Variants in PPFIA4 observed in about 807,000 individuals in gnomAD.
The protein encoded by PPFIA4 is PPFI scaffold protein A4, also known as liprin-alpha-4.
PPFIA4 carries 98 observed loss-of-function variants against 145.7 expected under a neutral mutation model. That is an observed-to-expected ratio of 0.67 (90% CI 0.57 to 0.80). The LOEUF (loss-of-function observed/expected upper bound fraction) is 0.80, where lower values mean the gene tolerates loss of function less well. PPFIA4 is among the 30% of genes least tolerant of loss of function. PPFIA4 has a pLI of 0.00. For missense variants in PPFIA4, 1,457 were observed against 1,632.7 expected (o/e 0.89, Z 1.85); for synonymous variants, 628 against 649.6 (o/e 0.97, Z 0.51).
At position 203,055,081 on chromosome 1, in the gene PPFIA4, A is replaced by T. The variant is rs1005207706; in HGVS notation, c.1830-351A>T. Among the ~76,000 whole-genome samples, 1 of 152,186 alleles carries T rather than the reference A, an allele frequency of 6.6e-6. No individual in the cohort carries two copies. Among genetic ancestry groups the T allele is most frequent in the Non-Finnish European group, 1.5e-5 (1 of 68,036 alleles). On this transcript the variant is annotated intron_variant, in intron 15 of 29. Coordinates refer to ENST00000295706, the MANE Select transcript of PPFIA4 (RefSeq NM_001304331.2). This position sits in a 1 kb window ranked among gnomAD's most constrained non-coding sequence, Gnocchi z 4.8. ...AAAGTCCTACACTTGGAAACTGCTG[A>T]CTTATACCACTTCAGACATAGCATA... is the stretch of plus-strand genomic sequence containing the variant.
rs200751950 is a variant in PPFIA4 at position 203,064,003 on chromosome 1, G to A, written c.3050G>A (p.Arg1017Gln). The change falls in exon 25 of 30, where the codon CGA (arginine) becomes CAA (glutamine). Residue 1017 changes from arginine (R) to glutamine (Q), a missense_variant and splice_region_variant. Physicochemically the swap from Arg to Gln is conservative, Grantham distance 43. This residue lies in a region of PPFIA4 where 848 missense variants were observed against 1,046.7 expected (regional missense o/e 0.81). Coordinates refer to ENST00000295706, the MANE Select transcript of PPFIA4 (RefSeq NM_001304331.2). ...VHLKMVDSFH[R>Q]TSLQYGIMCL... ...CTGAAGATGGTGGACAGCTTCCATCGGTGAGCGCGGCTGGGACCCAGGGCC... is the reference window on the plus strand; with the variant it reads ...CTGAAGATGGTGGACAGCTTCCATCAGTGAGCGCGGCTGGGACCCAGGGCC... 26 of 1,611,554 alleles carry A rather than the reference G, an allele frequency of 1.6e-5. No homozygotes were observed. The Admixed American group carries it at 2.7e-4, about 17-fold the overall frequency.
At chr1:203,074,724 A>T (rs930178361) in intron 28 of PPFIA4, among the ~76,000 whole-genome samples, 2 of 152,016 alleles carry the variant, frequency 1.3e-5, no homozygotes, top group Admixed American at 1.3e-4. Context: ...CATGGCTTCC[A>T]AGCAGGGTGG....
intron 15 of PPFIA4, 152 bp downstream of exon 15, chr1:203,054,113 C>G (rs1660744662): frequency 2.6e-6 from 2 of 772,186 alleles, no homozygotes; most frequent in Admixed American, 2.3e-5. Context: ...AGGCCCGCTG[C>G]CAGTGCCGGA....
chr1:203,076,242 C>A, intron 29 of PPFIA4, 99 bp from the exon 30 acceptor site: 4 of 1,347,890 alleles, frequency 3.0e-6, no homozygotes, highest in Non-Finnish European at 4.2e-6. Context: ...GCGCTTGGAG[C>A]ACGCTGCGTT....
At chr1:203,040,853 A>G (rs1223710384) in intron 2 of PPFIA4, among the ~76,000 whole-genome samples, 1 of 152,210 alleles carries the variant, frequency 6.6e-6, no homozygotes, top group Non-Finnish European at 1.5e-5. Context: ...CAGAGCTGAG[A>G]TTTGATCCCA....
intron 24 of PPFIA4, 54 bp downstream of exon 24, chr1:203,061,732 C>G (rs758980401): frequency 6.6e-7 from 1 of 1,520,506 alleles, no homozygotes; most frequent in Non-Finnish European, 8.9e-7. Flanking sequence ...GGACAGTGTT[C>G]TTCTGGTAGG....
At position 203,043,237 on chromosome 1, in the gene PPFIA4, G is replaced by A. The variant is rs917682440; in HGVS notation, c.235-160G>A. On this transcript the variant is annotated intron_variant, in intron 2 of 29. Transcript: ENST00000295706. The surrounding 1 kb of genome is among the most constrained non-coding windows in gnomAD (Gnocchi z 4.4). The stretch of plus-strand genomic sequence containing the variant: ...GACCCCTCTGGAGAAGCACATGCTA[G>A]CTACAGGTTTACTGACCTGCAGTGT... Among the ~76,000 whole-genome samples, 1 of 152,234 alleles carries A rather than the reference G, an allele frequency of 6.6e-6. No homozygotes were observed. The highest frequency in any genetic ancestry group is 2.4e-5 in the African/African-American group (1 of 41,454).
rs867013461 is a variant in PPFIA4 at position 203,056,056 on chromosome 1, C to G, written c.2071-64C>G. The G allele has an allele frequency of 3.2e-6, 5 of 1,573,650 alleles. No homozygotes were observed. The East Asian group carries it at 6.8e-5, about 21-fold the overall frequency. The stretch of plus-strand genomic sequence containing the variant: ...TCTCATCCTAAGACCACTGGGCTCC[C>G]CTGGGGTTGGCTCTAGGGCACCCAG... On this transcript the variant is annotated intron_variant, in intron 16 of 29. Coordinates refer to ENST00000295706, the MANE Select transcript of PPFIA4 (RefSeq NM_001304331.2).
intron 24 of PPFIA4, 95 bp from the exon 25 acceptor site, chr1:203,063,733 A>T: frequency 1.6e-6 from 2 of 1,269,146 alleles, no homozygotes; most frequent in Admixed American, 3.7e-5. Context: ...TGGGTGGAGG[A>T]TGGATTCATG....
Position 203,055,286 on chromosome 1 carries a change from G to C in PPFIA4, c.1830-146G>C, listed in dbSNP as rs1660844729. The C allele has an allele frequency of 2.8e-6, 3 of 1,069,664 alleles. No homozygotes were observed. The African/African-American group carries it at 4.7e-5, about 17-fold the overall frequency. The allele number at this position is 1,069,664 out of a possible 1,614,324, so 66.3% of individuals were successfully genotyped here. On this transcript the variant is annotated intron_variant, in intron 15 of 29. Transcript: ENST00000295706. The surrounding 1 kb of genome is among the most constrained non-coding windows in gnomAD (Gnocchi z 4.8). ...AGGCAAGCTAACAAGAAAGAGATGTGTTTCTAAGCTCCAGTGGGACAGACA... is the reference window on the plus strand; with the variant it reads ...AGGCAAGCTAACAAGAAAGAGATGTCTTTCTAAGCTCCAGTGGGACAGACA...
chr1:203,051,778 G>C lies in PPFIA4; in HGVS notation c.1521G>C (p.Met507Ile), dbSNP rs779744078. The change falls in exon 14 of 30, where the codon ATG becomes ATC. Residue 507 changes from methionine (M) to isoleucine (I), a missense_variant. Met to Ile is a conservative substitution (Grantham distance 10). Transcript: ENST00000295706. ...FVDGVHSRSHMGSAADVRFSL... is the reference protein window; with the variant it reads ...FVDGVHSRSHIGSAADVRFSL... Reference sequence around the variant, plus strand: ...CCCATCACCGCTCAAGGTCGCACATGGGCAGTGCAGCAGACGTGCGGTTCT... The same window carrying C: ...CCCATCACCGCTCAAGGTCGCACATCGGCAGTGCAGCAGACGTGCGGTTCT... The C allele has an allele frequency of 1.2e-6, 2 of 1,612,720 alleles. No individual in the cohort carries two copies. Among genetic ancestry groups the C allele is most frequent in the Non-Finnish European group, 1.7e-6 (2 of 1,179,416 alleles).
chr1:203,070,245 G>A (rs1460366743), intron 27 of PPFIA4, among the ~76,000 whole-genome samples: 1 of 151,954 alleles, frequency 6.6e-6, no homozygotes, highest in Non-Finnish European at 1.5e-5. Flanking sequence ...TTAGCTGTTG[G>A]GAGAAGTAGT....
chr1:203,039,715 G>A (rs573516358), intron 2 of PPFIA4, among the ~76,000 whole-genome samples: 3 of 152,300 alleles, frequency 2.0e-5, no homozygotes, highest in East Asian at 3.9e-4. Context: ...CAGATGTCTC[G>A]ACATCCTGTC....
chr1:203,027,432 A>G (rs1450429282), intron 1 of PPFIA4, among the ~76,000 whole-genome samples: 2 of 152,208 alleles, frequency 1.3e-5, no homozygotes, highest in East Asian at 3.8e-4. Flanking sequence ...GGAGGGATCC[A>G]GGACAAGGTG....
At position 203,061,751 on chromosome 1, in the gene PPFIA4, G is replaced by A. The variant is rs78112109; in HGVS notation, c.2874+73G>A. On this transcript the variant is annotated intron_variant, in intron 24 of 29. Transcript: ENST00000295706. ...AGTGTTCTTCTGGTAGGTTCTCTCC[G>A]CAGCAGGAATCTCTGAGTCCTTCAT... The A allele has an allele frequency of 2.9e-3, 4,227 of 1,451,984 alleles. 86 individuals are homozygous for A. In the African/African-American group the frequency reaches 0.046, roughly 16 times the overall value. The allele number at this position is 1,451,984 out of a possible 1,614,324, so 89.9% of individuals were successfully genotyped here.
chr1:203,076,097 G>A (rs1662521696), intron 29 of PPFIA4: 1 of 600,096 alleles, frequency 1.7e-6, no homozygotes, highest in African/African-American at 1.9e-5. Context: ...CAGGCCCGGG[G>A]ACGCGGGCAC....
At chr1:203,026,910 C>T (rs999569477) in intron 1 of PPFIA4, among the ~76,000 whole-genome samples, 1 of 152,068 alleles carries the variant, frequency 6.6e-6, no homozygotes, top group Non-Finnish European at 1.5e-5. Flanking sequence ...GGGAGGGGGC[C>T]GAGTTGGCGA....
At chr1:203,051,515 A>G (rs1660504324) in intron 13 of PPFIA4, 3 of 686,032 alleles carry the variant, frequency 4.4e-6, no homozygotes, top group Non-Finnish European at 4.1e-6. Flanking sequence ...CCATTAGAAG[A>G]TCCTTCTTAT....
chr1:203,051,489 C>T (rs1234806707), intron 13 of PPFIA4: 10 of 637,174 alleles, frequency 1.6e-5, no homozygotes, highest in South Asian at 9.3e-5. Context: ...CCAGTTGCAT[C>T]GTAAGCCAAC....
Sources: gnomAD v4.1 joint callset for allele counts (sites outside exome capture counted in the v4.1 genomes callset) on GRCh38, gnomAD v4.1.1 for gene constraint, gnomAD v4.1.1 regional missense constraint, Gnocchi (gnomAD v3.1) non-coding constraint, MANE v1.5 for transcripts, NCBI Gene and HGNC (gene_info 2026-07-23, HGNC 2026-07-21) for gene names.